The following DCC variants were observed in gnomAD, a reference collection of about 807,000 sequenced individuals.
DCC encodes netrin receptor DCC.
DCC carries 58 observed loss-of-function variants against 172.5 expected under a neutral mutation model. The ratio of observed to expected loss-of-function variants is 0.34; its 90% CI spans 0.27 to 0.42. The LOEUF is 0.42. Ranked by LOEUF, DCC falls within the 10% of genes least tolerant of loss-of-function variation. The probability of loss-of-function intolerance (pLI) is 1.00; values close to 1 mark genes in which losing one functional copy is unlikely to be tolerated. For missense variants in DCC, 1,740 were observed against 1,791.0 expected, an observed-to-expected ratio of 0.97 and a Z score of 0.51; for synonymous variants, 709 against 644.5, an observed-to-expected ratio of 1.10 and a Z score of -1.52.
chr18:52,739,468 A>C (rs564630439), intron 1 of DCC, among the ~76,000 whole-genome samples: 2 of 152,176 alleles, frequency 1.3e-5, no homozygotes, highest in Non-Finnish European at 2.9e-5. Flanking sequence ...TTTGCAACAT[A>C]ATAAGGTAGA....
intron 1 of DCC, among the ~76,000 whole-genome samples, chr18:52,554,618 G>T (rs1251357076): frequency 1.3e-5 from 2 of 151,802 alleles, no homozygotes; most frequent in African/African-American, 2.4e-5. Context: ...CAATAACACA[G>T]AGCTAATGTG....
chr18:52,816,410 G>A lies in DCC; in HGVS notation c.412+64036G>A, dbSNP rs556023742. Among the ~76,000 whole-genome samples the A allele has an allele frequency of 3.9e-5, 6 of 152,280 alleles. No homozygotes were observed. In the South Asian group the frequency reaches 1.2e-3, roughly 32 times the overall value. ...CAGTGAATGTTCCCGGCAAGAAAGT[G>A]CCTTCCTGCTTTCCAAAGAAGTCCT... On this transcript the variant is annotated intron_variant, in intron 2 of 28. Transcript: ENST00000442544.
intron 2 of DCC, among the ~76,000 whole-genome samples, chr18:52,842,092 A>G (rs931944437): frequency 2.6e-5 from 4 of 152,192 alleles, no homozygotes; most frequent in African/African-American, 4.8e-5. Context: ...TTAGTTTTAT[A>G]CAATCAAATT....
chr18:52,349,864 A>T (rs9951308), intron 1 of DCC, among the ~76,000 whole-genome samples: 35,489 of 152,030 alleles, frequency 0.23, 4,378 homozygotes, highest in Middle Eastern at 0.3. Context: ...TTCTTACTTT[A>T]ACTCCCTCTA....
In DCC at chr18:53,014,504, T is replaced by C. The variant is rs909567028; in HGVS notation, c.986-48801T>C. Among the ~76,000 whole-genome samples the C allele has an allele frequency of 2.8e-5, 4 of 144,074 alleles. No individual in the cohort carries two copies. The Admixed American group carries it at 2.9e-4, about 11-fold the overall frequency. The allele number at this position is 144,074 out of a possible 152,430, so 94.5% of individuals were successfully genotyped here. On this transcript the variant is annotated intron_variant, in intron 5 of 28. Transcript: ENST00000442544. The stretch of plus-strand genomic sequence containing the variant: ...CCTTCCTGTGTCCATGTGTTCTCAT[T>C]GTTCAATTCCCACCTATGAGTGAGA...
At chr18:52,674,272 A>G (rs1411484653) in intron 1 of DCC, among the ~76,000 whole-genome samples, 1 of 152,138 alleles carries the variant, frequency 6.6e-6, no homozygotes, top group African/African-American at 2.4e-5. Context: ...GGTATAGCTG[A>G]TGGTATAGAT....
chr18:52,757,319 G>T (rs897558081), intron 2 of DCC: 1 of 152,176 alleles, frequency 6.6e-6, no homozygotes, highest in African/African-American at 2.4e-5. Context: ...GTTCATGGGA[G>T]TTCACTTGGT....
intron 1 of DCC, among the ~76,000 whole-genome samples, chr18:52,545,689 T>A (rs1250533410): frequency 2.0e-5 from 3 of 152,206 alleles, no homozygotes; most frequent in Admixed American, 2.0e-4. Context: ...GAAGGGAATT[T>A]TTCTTAGTTT....
In DCC at chr18:52,703,298, C is replaced by T. The variant is rs528263752; in HGVS notation, c.92-48756C>T. 8.5e-5 allele frequency among the ~76,000 whole-genome samples: 13 copies of T among 152,266 alleles called. No individual in the cohort carries two copies. In the East Asian group the frequency reaches 1.9e-3, roughly 23 times the overall value. On this transcript the variant is annotated intron_variant, in intron 1 of 28. Coordinates refer to ENST00000442544, the MANE Select transcript of DCC (RefSeq NM_005215.4). ...CCTCTTCAATCTTTCTTCTTTCCTT[C>T]TTGGACGGAAAAGGCTCCTTCTTCA...
chr18:52,771,871 G>A (rs200446415), intron 2 of DCC, among the ~76,000 whole-genome samples: 47 of 130,936 alleles, frequency 3.6e-4, no homozygotes, highest in South Asian at 4.8e-4. Context: ...AGAAACTTGT[G>A]AAAAAAAAAA....
chr18:53,148,003 T>C lies in DCC; in HGVS notation c.1262-9353T>C, dbSNP rs1430813476. On this transcript the variant is annotated intron_variant, in intron 7 of 28. Transcript: ENST00000442544. ...CTTACTTAAGTTGTATTATCTTCCATGTATCTTTACTTGAGTTTCTCACTG... is the reference window on the plus strand; with the variant it reads ...CTTACTTAAGTTGTATTATCTTCCACGTATCTTTACTTGAGTTTCTCACTG... 2.0e-5 allele frequency among the ~76,000 whole-genome samples: 3 copies of C among 152,224 alleles called. No individual in the cohort carries two copies. The South Asian group carries it at 6.2e-4, about 31-fold the overall frequency.
chr18:53,527,512 A>C (rs2046472669), intron 28 of DCC, among the ~76,000 whole-genome samples: 1 of 152,022 alleles, frequency 6.6e-6, no homozygotes, highest in African/African-American at 2.4e-5. Context: ...TGAAGGAAAA[A>C]ATATAAAATA....
At chr18:53,427,534 C>A (rs1002321824) in intron 21 of DCC, among the ~76,000 whole-genome samples, 2 of 151,224 alleles carry the variant, frequency 1.3e-5, no homozygotes, top group African/African-American at 4.8e-5. Flanking sequence ...TGATCAGGAG[C>A]AGCTGACAAG....
intron 7 of DCC, among the ~76,000 whole-genome samples, chr18:53,111,790 G>A (rs928648516): frequency 6.6e-6 from 1 of 151,632 alleles, no homozygotes; most frequent in South Asian, 2.1e-4. Flanking sequence ...GAACCTCTAA[G>A]TATAATGAAT....
intron 18 of DCC, 116 bp downstream of exon 18, chr18:53,397,562 G>T (rs7231978): frequency 0.82 from 921,898 of 1,125,994 alleles, 382,420 homozygotes; most frequent in Non-Finnish European, 0.86. Flanking sequence ...ATATAAAATA[G>T]TTCATCCTCT....
Position 52,593,458 on chromosome 18 carries a change from CAATT to C in DCC, c.92-158593_92-158590del, listed in dbSNP as rs142848744. On this transcript the variant is annotated intron_variant, in intron 1 of 28. Coordinates refer to ENST00000442544, the MANE Select transcript of DCC (RefSeq NM_005215.4). ...CTTTTAAAATGGAAATGGGAAGAAA[CAATT>C]AACAGTTCATTTATCTATTGTCTGT... 8.1e-3 allele frequency among the ~76,000 whole-genome samples: 1,234 copies of C among 152,270 alleles called. 12 individuals are homozygous for C. The highest frequency in any genetic ancestry group is 0.027 in the African/African-American group (1,112 of 41,554).
At chr18:52,411,673 G>A (rs1422551260) in intron 1 of DCC, among the ~76,000 whole-genome samples, 3 of 152,120 alleles carry the variant, frequency 2.0e-5, no homozygotes, top group Non-Finnish European at 4.4e-5. Flanking sequence ...TCCAGTGTCA[G>A]ACTGCCTAGT....
intron 9 of DCC, among the ~76,000 whole-genome samples, chr18:53,204,553 A>G (rs80271884): frequency 1.6e-5 from 1 of 62,078 alleles, no homozygotes; most frequent in Non-Finnish European, 4.7e-5. Context: ...TTTCTGGAAA[A>G]AAAAAAAAAA....
intron 13 of DCC, among the ~76,000 whole-genome samples, chr18:53,320,198 G>C (rs139058226): frequency 6.7e-6 from 1 of 149,306 alleles, no homozygotes; most frequent in African/African-American, 2.5e-5. Flanking sequence ...TCAGCCTCCC[G>C]AGTAGCTGGG....
Sources: allele counts gnomAD v4.1 joint callset (sites outside exome capture counted in the v4.1 genomes callset), GRCh38; gene constraint gnomAD v4.1.1; transcripts MANE v1.5; gene names NCBI Gene and HGNC (gene_info 2026-07-23, HGNC 2026-07-21).